The following ZNF619 variants were observed in gnomAD, a reference collection of about 807,000 sequenced individuals.
ZNF619 encodes zinc finger protein 619.
Under a neutral mutation model 14.2 loss-of-function variants are expected in ZNF619, and 9 were observed. The observed-to-expected ratio is 0.64, with a 90% CI of 0.38 to 1.11. The LOEUF is 1.11. Ranked by LOEUF, ZNF619 falls within the 50% of genes least tolerant of loss-of-function variation. ZNF619 has a pLI of 0.01. For synonymous variants in ZNF619, 246 were observed against 252.8 expected (o/e 0.97, Z 0.26); for missense variants, 659 against 680.1 (o/e 0.97, Z 0.34).
At chr3:40,481,020 T>G (rs1378721398) in intron 2 of ZNF619, among the ~76,000 whole-genome samples, 1 of 152,230 alleles carries the variant, frequency 6.6e-6, no homozygotes, top group African/African-American at 2.4e-5. Context: ...TTTTAGTCTA[T>G]TTCAAAGTGC....
rs770859013 is a variant in ZNF619 at position 40,482,554 on chromosome 3, C to T, written c.179-34C>T. 9 of 1,606,054 alleles carry T rather than the reference C, an allele frequency of 5.6e-6. No individual in the cohort carries two copies. The South Asian group carries it at 9.9e-5, about 18-fold the overall frequency. The stretch of plus-strand genomic sequence containing the variant: ...TCTGAGGGAGGTCAGTGTTGATTCT[C>T]CTCAGCTTCATGTTCCTTTTCTTTC... On this transcript the variant is annotated intron_variant, in intron 3 of 4. Transcript: ENST00000432264.
At position 40,482,151 on chromosome 3, in the gene ZNF619, A is replaced by T. The variant is rs147054612; in HGVS notation, c.178+135A>T. On this transcript the variant is annotated intron_variant, in intron 3 of 4. Transcript: ENST00000432264. ...GCTGAGCTCCCTAATCCCCAGTGCC[A>T]GGGGTAGCTGGATGGAGAAAGAGCT... is the stretch of plus-strand genomic sequence containing the variant. The T allele has an allele frequency of 9.2e-4, 1,417 of 1,546,886 alleles. 13 individuals are homozygous for T. In the Middle Eastern group the frequency reaches 0.014, roughly 15 times the overall value.
At position 40,481,907 on chromosome 3, in the gene ZNF619, G is replaced by T. The variant is rs1478143871; in HGVS notation, c.69G>T (p.Glu23Asp). The T allele has an allele frequency of 6.2e-7, 1 of 1,613,700 alleles. No individual in the cohort carries two copies. Among genetic ancestry groups the T allele is most frequent in the Non-Finnish European group, 8.5e-7 (1 of 1,179,748 alleles). The change falls in exon 3 of 5, where the codon GAG (glutamate) becomes GAT (aspartate). Residue 23 changes from glutamate to aspartate, a missense_variant. Physicochemically the swap from Glu to Asp is conservative, Grantham distance 45 (BLOSUM62 2). Coordinates refer to ENST00000432264, the MANE Select transcript of ZNF619 (RefSeq NM_001145093.4). ...TGTTTCAGGAGCCAGTAACCTTTGA[G>T]GATGTGGCTGTGTACTTCACCCAGA... ...NLLFQEPVTF[E>D]DVAVYFTQNE...
intron 2 of ZNF619, among the ~76,000 whole-genome samples, chr3:40,479,005 G>T (rs74573471): frequency 0.024 from 3,664 of 152,190 alleles, 129 homozygotes; most frequent in African/African-American, 0.083. Flanking sequence ...GATTAAACGA[G>T]GTAAAGGCTT....
chr3:40,487,572 T>C lies in ZNF619; in HGVS notation c.1062T>C (p.Ser354=). The C allele has an allele frequency of 6.2e-7, 1 of 1,613,640 alleles. No individual in the cohort carries two copies. The highest frequency in any genetic ancestry group is 8.5e-7 in the Non-Finnish European group (1 of 1,179,904). Residue 354 remains serine, a synonymous_variant, in exon 5 of 5, where the codon AGT becomes AGC. Transcript: ENST00000432264. The part of the protein sequence containing the change: ...YECKECGKSL[S]SNSVLIQHQR... ...GTAAGGAGTGTGGGAAGAGTTTGAG[T>C]TCTAATTCAGTTCTGATTCAGCATC...
intron 2 of ZNF619, among the ~76,000 whole-genome samples, chr3:40,480,674 G>C (rs1027214604): frequency 6.6e-6 from 1 of 151,900 alleles, no homozygotes; most frequent in African/African-American, 2.4e-5. Context: ...AATTTTTTGT[G>C]TATTTTTAGT....
intron 2 of ZNF619, among the ~76,000 whole-genome samples, chr3:40,480,138 T>G (rs983302757): frequency 6.6e-6 from 1 of 152,184 alleles, no homozygotes; most frequent in Non-Finnish European, 1.5e-5. Flanking sequence ...GAGCATAATG[T>G]CAAGAAAAGT....
At chr3:40,480,179 T>C (rs538087844) in intron 2 of ZNF619, among the ~76,000 whole-genome samples, 2 of 152,332 alleles carry the variant, frequency 1.3e-5, no homozygotes, top group South Asian at 2.1e-4. Flanking sequence ...AGTTGTTGAC[T>C]CTGAAGGAAG....
In ZNF619 at chr3:40,487,425, G is replaced by A; in HGVS notation, c.915G>A (p.Arg305=). ...TCAGTTATAATTCAAAACTGATTCG[G>A]CATCAGAGAATCCATACTGGGGAGA... is the stretch of plus-strand genomic sequence containing the variant. ...KTFSYNSKLI[R]HQRIHTGEKP... is the part of the protein sequence containing the mutation. Residue 305 remains arginine, a synonymous_variant, in exon 5 of 5, where the codon CGG becomes CGA. Coordinates refer to ENST00000432264, the MANE Select transcript of ZNF619 (RefSeq NM_001145093.4). 6.2e-7 allele frequency: 1 copy of A among 1,614,218 alleles called. No individual in the cohort carries two copies. Among genetic ancestry groups the A allele is most frequent in the Admixed American group, 1.7e-5 (1 of 60,030 alleles).
At chr3:40,477,539 G>T (rs564887589) in intron 1 of ZNF619, among the ~76,000 whole-genome samples, 182 bp downstream of exon 1, 2 of 152,250 alleles carry the variant, frequency 1.3e-5, no homozygotes, top group African/African-American at 4.8e-5. Context: ...TTGTTTAGGG[G>T]TCCCCGTTAT....
At chr3:40,485,302 ATTTTTT>A (rs5848567) in intron 4 of ZNF619, among the ~76,000 whole-genome samples, 5 of 143,014 alleles carry the variant, frequency 3.5e-5, no homozygotes, top group Admixed American at 1.4e-4. Context: ...TGAATGCATC[ATTTTTT>A]TTTTTTTTTT....
Position 40,481,735 on chromosome 3 carries a change from G to C in ZNF619, c.25-128G>C, listed in dbSNP as rs1186875172. ...TGGAAAGTTGGAATGCTGGCTCGGG[G>C]CTGCCCCTGCTGGGGTCCTGTGTGG... On this transcript the variant is annotated intron_variant, in intron 2 of 4. Coordinates refer to ENST00000432264, the MANE Select transcript of ZNF619 (RefSeq NM_001145093.4). 10 of 1,235,600 alleles carry C rather than the reference G, an allele frequency of 8.1e-6. No homozygotes were observed. In the Admixed American group the frequency reaches 2.2e-4, roughly 27 times the overall value. 76.5% of individuals were successfully genotyped at this position (1,235,600 alleles called of 1,614,324 possible).
At position 40,488,044 on chromosome 3, in the gene ZNF619, G is replaced by T. The variant is rs748467053; in HGVS notation, c.1534G>T (p.Ala512Ser). 1 of 1,614,112 alleles carries T rather than the reference G, an allele frequency of 6.2e-7. No homozygotes were observed. Among genetic ancestry groups the T allele is most frequent in the Non-Finnish European group, 8.5e-7 (1 of 1,179,982 alleles). The change falls in exon 5 of 5, where the codon GCC becomes TCC. Residue 512 changes from alanine (A) to serine (S), a missense_variant. Coordinates refer to ENST00000432264, the MANE Select transcript of ZNF619 (RefSeq NM_001145093.4). ...SPLPPQHTCS[A>S]LAPPGPPLSS... ...TCTGCCTCCCCAACATACCTGCTCTGCCCTAGCCCCACCAGGGCCTCCCTT... is the reference window on the plus strand; with the variant it reads ...TCTGCCTCCCCAACATACCTGCTCTTCCCTAGCCCCACCAGGGCCTCCCTT...
intron 2 of ZNF619, among the ~76,000 whole-genome samples, chr3:40,480,785 C>T (rs1697365704): frequency 6.6e-6 from 1 of 152,194 alleles, no homozygotes; most frequent in African/African-American, 2.4e-5. Context: ...CAGGCATGAG[C>T]CACTGTGCCC....
chr3:40,490,626 A>C lies in ZNF619; in HGVS notation c.*2385A>C, dbSNP rs948176219. Among the ~76,000 whole-genome samples, 2 of 152,194 alleles carry C rather than the reference A, an allele frequency of 1.3e-5. No homozygotes were observed. Among genetic ancestry groups the C allele is most frequent in the African/African-American group, 4.8e-5 (2 of 41,440 alleles). On this transcript the variant is annotated 3_prime_UTR_variant, in exon 5 of 5. Coordinates refer to ENST00000432264, the MANE Select transcript of ZNF619 (RefSeq NM_001145093.4). ...TCTCAGCCTGCTTAACAAAATGACA[A>C]GGATACAGACCTTTATGATGATCCA...
chr3:40,477,939 C>G lies in ZNF619; in HGVS notation c.-41C>G. The G allele has an allele frequency of 6.4e-7, 1 of 1,552,600 alleles. No individual in the cohort carries two copies. Among genetic ancestry groups the G allele is most frequent in the Non-Finnish European group, 8.7e-7 (1 of 1,147,210 alleles). On this transcript the variant is annotated 5_prime_UTR_variant, in exon 2 of 5. An upstream open reading frame in the 5' UTR gains an earlier in-frame stop. Transcript: ENST00000432264. Reference sequence around the variant, plus strand: ...TTAGCTCCGCAGGTTCTTACTTTTTCAAACCTAGAGGGCAGTGCATGAAGC... The same window carrying G: ...TTAGCTCCGCAGGTTCTTACTTTTTGAAACCTAGAGGGCAGTGCATGAAGC...
Position 40,487,022 on chromosome 3 carries a change from C to G in ZNF619, c.512C>G (p.Ser171Cys), listed in dbSNP as rs964175991. ...TDLTVQDHESSTTEREEIARK... is the reference protein window; with the variant it reads ...TDLTVQDHESCTTEREEIARK... ...TTGACAGTCCAGGATCATGAATCTT[C>G]CACCACTGAAAGGGAGGAGATAGCC... Residue 171 changes from serine to cysteine, a missense_variant, in exon 5 of 5, where the codon TCC becomes TGC. Ser to Cys is a moderately radical substitution (Grantham distance 112). Transcript: ENST00000432264. The G allele has an allele frequency of 1.2e-6, 2 of 1,614,036 alleles. No individual in the cohort carries two copies. Among genetic ancestry groups the G allele is most frequent in the Admixed American group, 1.7e-5 (1 of 60,002 alleles).
chr3:40,487,530 G>A lies in ZNF619; in HGVS notation c.1020G>A (p.Gly340=), dbSNP rs748973097. The A allele has an allele frequency of 6.2e-7, 1 of 1,614,094 alleles. No homozygotes were observed. The highest frequency in any genetic ancestry group is 8.5e-7 in the Non-Finnish European group (1 of 1,180,016). The change falls in exon 5 of 5, where the codon GGG becomes GGA. Residue 340 remains glycine, a synonymous_variant. Transcript: ENST00000432264. ...DCIIHERIHN[G]EKPYECKECG... is the part of the protein sequence containing the mutation. Reference sequence around the variant, plus strand: ...TCATCCATGAACGAATTCACAATGGGGAGAAGCCCTATGAATGTAAGGAGT... The same window carrying A: ...TCATCCATGAACGAATTCACAATGGAGAGAAGCCCTATGAATGTAAGGAGT...
Position 40,487,909 on chromosome 3 carries a change from T to C in ZNF619, c.1399T>C (p.Trp467Arg), listed in dbSNP as rs779103947. ...TAAGGAGTGCGGGAAAGCCTTCAGA[T>C]GGAATGCAAGTTTCATCCAGCATCA... is the stretch of plus-strand genomic sequence containing the variant. ...ECKECGKAFR[W>R]NASFIQHQKW... Residue 467 changes from tryptophan to arginine, a missense_variant, in exon 5 of 5, where the codon TGG becomes CGG. Transcript: ENST00000432264. The C allele has an allele frequency of 5.6e-6, 9 of 1,614,066 alleles. No individual in the cohort carries two copies. Among genetic ancestry groups the C allele is most frequent in the African/African-American group, 4.0e-5 (3 of 74,920 alleles).
Sources: allele counts gnomAD v4.1 joint callset (sites outside exome capture counted in the v4.1 genomes callset), GRCh38; gene constraint gnomAD v4.1.1; transcripts MANE v1.5; gene names NCBI Gene and HGNC (gene_info 2026-07-23, HGNC 2026-07-21).